The following FRYL variants were observed in gnomAD, a reference collection of about 807,000 sequenced individuals.
The protein encoded by FRYL is FRY like transcription coactivator.
Under a neutral mutation model 351.2 loss-of-function variants are expected in FRYL, and 150 were observed. The ratio of observed to expected loss-of-function variants is 0.43; its 90% CI spans 0.37 to 0.49. The LOEUF (loss-of-function observed/expected upper bound fraction) is 0.49. Ranked by LOEUF, FRYL falls within the 20% of genes least tolerant of loss-of-function variation. FRYL has a pLI of 0.00. For synonymous variants in FRYL, 1,153 were observed against 1,257.1 expected (o/e 0.92, Z 1.75); for missense variants, 3,036 against 3,619.3 (o/e 0.84, Z 4.13).
chr4:48,630,064 T>G (rs569088387), intron 4 of FRYL, among the ~76,000 whole-genome samples: 1 of 152,276 alleles, frequency 6.6e-6, no homozygotes, highest in East Asian at 1.9e-4. Flanking sequence ...CTTCTGAGTC[T>G]AGTTCCCCAG....
chr4:48,594,015 T>TC lies in FRYL; in HGVS notation c.1249dup (p.Glu417GlyfsTer13). The TC allele has an allele frequency of 6.9e-7, 1 of 1,452,296 alleles. No homozygotes were observed. Among genetic ancestry groups the TC allele is most frequent in the Non-Finnish European group, 9.1e-7 (1 of 1,093,826 alleles). 90.0% of individuals were successfully genotyped at this position (1,452,296 alleles called of 1,614,324 possible). On this transcript the variant is annotated frameshift_variant and splice_region_variant, in exon 16 of 64. Coordinates refer to ENST00000358350, the MANE Select transcript of FRYL (RefSeq NM_015030.2). LOFTEE classifies it high-confidence loss of function. ...TTCTTTCATTGCAAAATCCAAGCGTTCCTTAAAAAAAAAAAAATCCTTATA... is the reference window on the plus strand; with the variant it reads ...TTCTTTCATTGCAAAATCCAAGCGTTCCCTTAAAAAAAAAAAAATCCTTATA...
intron 40 of FRYL, among the ~76,000 whole-genome samples, chr4:48,548,467 A>G (rs1731918912): frequency 6.6e-6 from 1 of 152,154 alleles, no homozygotes; most frequent in South Asian, 2.1e-4. Flanking sequence ...GCGAGGCCAT[A>G]AGATAGGAAT....
intron 11 of FRYL, among the ~76,000 whole-genome samples, chr4:48,603,801 C>A (rs543969813): frequency 6.6e-6 from 1 of 152,208 alleles, no homozygotes; most frequent in African/African-American, 2.4e-5. Context: ...GGGGACCCAG[C>A]CTTTGGAGCT....
chr4:48,757,323 C>T (rs1259644038), intron 1 of FRYL, among the ~76,000 whole-genome samples: 5 of 152,142 alleles, frequency 3.3e-5, no homozygotes, highest in African/African-American at 7.2e-5. Flanking sequence ...GATGACATGA[C>T]TGTATATTTA....
At chr4:48,688,761 C>G (rs547124186) in intron 2 of FRYL, among the ~76,000 whole-genome samples, 29 of 143,736 alleles carry the variant, frequency 2.0e-4, no homozygotes, top group Non-Finnish European at 3.6e-4. Flanking sequence ...CTCCCATATT[C>G]AAGTGATTCT....
Position 48,527,565 on chromosome 4 carries a change from T to A in FRYL, c.7229A>T (p.Glu2410Val). The A allele has an allele frequency of 6.2e-7, 1 of 1,613,420 alleles. No homozygotes were observed. Among genetic ancestry groups the A allele is most frequent in the Non-Finnish European group, 8.5e-7 (1 of 1,179,538 alleles). ...STTEDINQEE[E>V]VAVEDNSSEQ... Reference sequence around the variant, plus strand: ...ACTGCTATTATCTTCCACAGCTACTTCTTCCTCTTGATTTATGTCTTCTGT... The same window carrying A: ...ACTGCTATTATCTTCCACAGCTACTACTTCCTCTTGATTTATGTCTTCTGT... Residue 2410 changes from glutamate to valine, a missense_variant, in exon 53 of 64, where the codon GAA becomes GTA. Glu to Val is a moderately radical substitution (Grantham distance 121, BLOSUM62 -2). This residue lies in a region of FRYL where 1,987 missense variants were observed against 2,311.7 expected (regional missense o/e 0.86). Coordinates refer to ENST00000358350, the MANE Select transcript of FRYL (RefSeq NM_015030.2).
At position 48,510,324 on chromosome 4, in the gene FRYL, T is replaced by C. The variant is rs184987751; in HGVS notation, c.8296-167A>G. Among the ~76,000 whole-genome samples, 112 of 152,156 alleles carry C rather than the reference T, an allele frequency of 7.4e-4. 2 individuals carry two copies. In the East Asian group the frequency reaches 0.015, roughly 20 times the overall value. ...GAGCTGAGCTCTCACTGGAACAGAGTAGGAGTGCAGTGGGACTTGAGGAGG... is the reference window on the plus strand; with the variant it reads ...GAGCTGAGCTCTCACTGGAACAGAGCAGGAGTGCAGTGGGACTTGAGGAGG... On this transcript the variant is annotated intron_variant, in intron 58 of 63. Transcript: ENST00000358350.
rs574996450 is a variant in FRYL, at chr4:48,691,008, C to A, written c.-203-6213G>T. On this transcript the variant is annotated intron_variant, in intron 2 of 63. Transcript: ENST00000358350. Reference sequence around the variant, plus strand: ...CTCTTTTTCTCTGTGTTCACTGCCTCCAGCAAGCTTAGAGAAGCCTGACTT... The same window carrying A: ...CTCTTTTTCTCTGTGTTCACTGCCTACAGCAAGCTTAGAGAAGCCTGACTT... 2.9e-4 allele frequency among the ~76,000 whole-genome samples: 44 copies of A among 152,290 alleles called. 1 individual carries two copies. In the South Asian group the frequency reaches 8.9e-3, roughly 31 times the overall value.
Position 48,543,982 on chromosome 4 carries a change from T to A in FRYL, c.5417A>T (p.Glu1806Val). The A allele has an allele frequency of 6.2e-7, 1 of 1,613,630 alleles. No individual in the cohort carries two copies. Among genetic ancestry groups the A allele is most frequent in the Non-Finnish European group, 8.5e-7 (1 of 1,179,702 alleles). ...CAGAGCAACTTCACTAAGATGATGT[T>A]CCAGATGAATTCCTTCTGTGAATGC... ...KQSSSEGIHL[E>V]HHLSEVALQT... Residue 1806 changes from glutamate to valine, a missense_variant, in exon 44 of 64, where the codon GAA (glutamate) becomes GTA (valine). By Grantham distance (121) the Glu-to-Val change is moderately radical (BLOSUM62 -2). Transcript: ENST00000358350.
At chr4:48,605,308 G>A (rs1746543353) in intron 11 of FRYL, among the ~76,000 whole-genome samples, 1 of 152,134 alleles carries the variant, frequency 6.6e-6, no homozygotes, top group Non-Finnish European at 1.5e-5. Context: ...ATGCTCTAAA[G>A]GTAGGACCTG....
chr4:48,645,662 T>C (rs1756325535), intron 3 of FRYL, among the ~76,000 whole-genome samples: 1 of 152,204 alleles, frequency 6.6e-6, no homozygotes, highest in Admixed American at 6.5e-5. Flanking sequence ...GGTATGTGTA[T>C]GTTTTTGAAA....
intron 1 of FRYL, among the ~76,000 whole-genome samples, chr4:48,723,658 A>G (rs954699727): frequency 6.6e-6 from 1 of 152,118 alleles, no homozygotes; most frequent in African/African-American, 2.4e-5. Flanking sequence ...CAGACCATTT[A>G]TCTCCAAATC....
intron 3 of FRYL, among the ~76,000 whole-genome samples, chr4:48,663,067 A>C (rs765242347): frequency 1.3e-4 from 20 of 152,074 alleles, no homozygotes; most frequent in Non-Finnish European, 2.4e-4. Flanking sequence ...ATGTGTAGTT[A>C]AAATACTTTT....
At chr4:48,584,671 G>A (rs1183758487) in intron 19 of FRYL, among the ~76,000 whole-genome samples, 1 of 152,184 alleles carries the variant, frequency 6.6e-6, no homozygotes, top group African/African-American at 2.4e-5. Context: ...GTGTGATACA[G>A]GGTATACATG....
At chr4:48,581,040 CACT>C in intron 21 of FRYL, 89 bp from the exon 22 acceptor site, 1 of 713,236 alleles carries the variant, frequency 1.4e-6, no homozygotes, top group Non-Finnish European at 2.2e-6. Flanking sequence ...TTCACTTCAG[CACT>C]ATTTTTTTTT....
chr4:48,701,730 G>C (rs1202008423), intron 2 of FRYL, among the ~76,000 whole-genome samples: 4 of 152,038 alleles, frequency 2.6e-5, no homozygotes, highest in Non-Finnish European at 5.9e-5. Context: ...TCAGCTAAGC[G>C]GACAATGAGT....
At chr4:48,527,715 G>A in intron 52 of FRYL, 62 bp from the exon 53 acceptor site, 1 of 1,498,376 alleles carries the variant, frequency 6.7e-7, no homozygotes, top group Non-Finnish European at 9.0e-7. Flanking sequence ...CTGCGTATGA[G>A]GTATCAGTAC....
chr4:48,690,823 T>C (rs1484601908), intron 2 of FRYL, among the ~76,000 whole-genome samples: 2 of 152,176 alleles, frequency 1.3e-5, no homozygotes, highest in South Asian at 2.1e-4. Flanking sequence ...AAAATGTGTA[T>C]AGATGATAGC....
rs1732173615 is a variant in FRYL at position 48,549,404 on chromosome 4, C to T, written c.4784+69G>A. 2.1e-6 allele frequency: 3 copies of T among 1,429,876 alleles called. No homozygotes were observed. Among genetic ancestry groups the T allele is most frequent in the Admixed American group, 2.1e-5 (1 of 47,460 alleles). The allele number at this position is 1,429,876 out of a possible 1,614,324, so 88.6% of individuals were successfully genotyped here. A position where few individuals can be genotyped will look rare whatever the true frequency, so the allele number is the denominator to read the frequency against. On this transcript the variant is annotated intron_variant, in intron 39 of 63. Transcript: ENST00000358350. The surrounding 1 kb of genome is among the most constrained non-coding windows in gnomAD (Gnocchi z 4.2). The stretch of plus-strand genomic sequence containing the variant: ...GCTTTCATTCTGTGTTGTCAGATAG[C>T]ACAAAGAAAGCCGACAGTGTTCAGC...
Sources: gnomAD v4.1 joint callset for allele counts (sites outside exome capture counted in the v4.1 genomes callset) on GRCh38, gnomAD v4.1.1 for gene constraint, gnomAD v4.1.1 regional missense constraint, Gnocchi (gnomAD v3.1) non-coding constraint, MANE v1.5 for transcripts, NCBI Gene and HGNC (gene_info 2026-07-23, HGNC 2026-07-21) for gene names.